KCNQ5: variants seen among roughly 807,000 people sequenced by gnomAD.
KCNQ5 encodes the protein potassium voltage-gated channel subfamily KQT member 5.
KCNQ5 carries 30 observed loss-of-function variants against 98.2 expected under a neutral mutation model. The ratio of observed to expected loss-of-function variants is 0.31; its 90% CI spans 0.23 to 0.41. KCNQ5 has a LOEUF of 0.41. KCNQ5 is among the 10% of genes least tolerant of loss of function. The pLI is 1.00. For synonymous variants in KCNQ5, 458 were observed against 449.4 expected (o/e 1.02, Z -0.24); for missense variants, 835 against 1,182.5 (o/e 0.71, Z 4.31).
At chr6:73,160,689 G>A (rs1335235834) in intron 10 of KCNQ5, among the ~76,000 whole-genome samples, 1 of 152,172 alleles carries the variant, frequency 6.6e-6, no homozygotes, top group Non-Finnish European at 1.5e-5. Context: ...ACACAGGATG[G>A]CGGATTAGCC....
intron 2 of KCNQ5, among the ~76,000 whole-genome samples, chr6:73,023,036 T>C (rs930244594): frequency 2.0e-5 from 3 of 152,148 alleles, no homozygotes; most frequent in African/African-American, 4.8e-5. Context: ...TTTGACTATG[T>C]CTTGAGGAAT....
intron 1 of KCNQ5, among the ~76,000 whole-genome samples, chr6:72,716,808 C>T (rs1769667350): frequency 1.3e-5 from 2 of 152,128 alleles, no homozygotes; most frequent in Non-Finnish European, 2.9e-5. Flanking sequence ...GAACAGATTG[C>T]AGGGATGTGT....
chr6:73,082,969 C>A (rs780083434), intron 5 of KCNQ5, among the ~76,000 whole-genome samples: 1 of 148,324 alleles, frequency 6.7e-6, no homozygotes, highest in African/African-American at 2.5e-5. Flanking sequence ...TAGCTCGCTG[C>A]AGCCTCAACC....
intron 1 of KCNQ5, among the ~76,000 whole-genome samples, chr6:72,854,781 T>TGTGC (rs1232652748): frequency 2.0e-5 from 3 of 146,396 alleles, no homozygotes; most frequent in Admixed American, 2.0e-4. Context: ...TGTGTGTGTG[T>TGTGC]GTGCGTGCGT....
chr6:73,024,329 G>A (rs1243568221), intron 2 of KCNQ5, among the ~76,000 whole-genome samples: 2 of 92,904 alleles, frequency 2.2e-5, no homozygotes, highest in East Asian at 3.2e-4. Context: ...ACCCACATAT[G>A]TGAACCTCCC....
At chr6:73,026,512 T>TTCTTTTATCA (rs1770897175) in intron 2 of KCNQ5, among the ~76,000 whole-genome samples, 1 of 152,194 alleles carries the variant, frequency 6.6e-6, no homozygotes, top group East Asian at 1.9e-4. Context: ...ACCTTCCATC[T>TTCTTTTATCA]CTTCCCAGCA....
chr6:72,818,200 G>A (rs970670872), intron 1 of KCNQ5, among the ~76,000 whole-genome samples: 1 of 152,134 alleles, frequency 6.6e-6, no homozygotes, highest in Non-Finnish European at 1.5e-5. Flanking sequence ...TGTATTAAAT[G>A]TGAAGAAAGG....
At chr6:72,860,969 G>A (rs1387068659) in intron 1 of KCNQ5, among the ~76,000 whole-genome samples, 1 of 152,030 alleles carries the variant, frequency 6.6e-6, no homozygotes, top group African/African-American at 2.4e-5. Flanking sequence ...CCATTTCATA[G>A]ACATTAGTAA....
intron 1 of KCNQ5, among the ~76,000 whole-genome samples, chr6:72,792,157 A>G (rs1774086581): frequency 6.6e-6 from 1 of 152,152 alleles, no homozygotes; most frequent in African/African-American, 2.4e-5. Flanking sequence ...ATTATGGAGA[A>G]AGTCATTGTC....
chr6:72,884,672 G>A (rs564860516), intron 1 of KCNQ5, among the ~76,000 whole-genome samples: 25 of 151,492 alleles, frequency 1.7e-4, no homozygotes, highest in Non-Finnish European at 2.5e-4. Flanking sequence ...GCTGGAGAGC[G>A]GTGAGACAAT....
In KCNQ5 at chr6:72,622,163, C is replaced by A. The variant is rs2098915474; in HGVS notation, c.-27C>A. 1.6e-6 allele frequency: 2 copies of A among 1,217,574 alleles called. No individual in the cohort carries two copies. Among genetic ancestry groups the A allele is most frequent in the South Asian group, 4.1e-5 (1 of 24,200 alleles). The allele number at this position is 1,217,574 out of a possible 1,614,324, so 75.4% of individuals were successfully genotyped here. On this transcript the variant is annotated 5_prime_UTR_variant, in exon 1 of 14. Transcript: ENST00000370398. This position sits in a 1 kb window ranked among gnomAD's most constrained non-coding sequence, Gnocchi z 6.0. Reference sequence around the variant, plus strand: ...CTGCCCCCGCCGCAGGCGCTGGCGGCCCCCTCGCGGTGCCCGTGGTGATGC... The same window carrying A: ...CTGCCCCCGCCGCAGGCGCTGGCGGACCCCTCGCGGTGCCCGTGGTGATGC...
At chr6:73,060,128 T>C (rs1323654023) in intron 3 of KCNQ5, among the ~76,000 whole-genome samples, 1 of 152,058 alleles carries the variant, frequency 6.6e-6, no homozygotes, top group Non-Finnish European at 1.5e-5. Context: ...AAGAAGTCGT[T>C]TGTTCTCCTT....
chr6:73,078,382 C>A (rs1773624318), intron 5 of KCNQ5, among the ~76,000 whole-genome samples: 1 of 152,012 alleles, frequency 6.6e-6, no homozygotes, highest in Admixed American at 6.5e-5. Flanking sequence ...TCAAAACTTT[C>A]CTCTCAAAAC....
intron 1 of KCNQ5, among the ~76,000 whole-genome samples, chr6:72,970,752 G>A (rs1001419265): frequency 3.5e-4 from 54 of 152,178 alleles, no homozygotes; most frequent in Admixed American, 2.4e-3. Flanking sequence ...ATGGGGAAAG[G>A]ATTCCCTATT....
chr6:72,710,389 TA>T (rs2154475002), intron 1 of KCNQ5, among the ~76,000 whole-genome samples: 1 of 152,266 alleles, frequency 6.6e-6, no homozygotes, highest in African/African-American at 2.4e-5. Context: ...ATGACTGGAT[TA>T]AAAAAATTTA....
At chr6:73,132,778 AC>A (rs1158472389) in intron 9 of KCNQ5, among the ~76,000 whole-genome samples, 19 of 152,212 alleles carry the variant, frequency 1.2e-4, no homozygotes, top group Non-Finnish European at 8.8e-5. Flanking sequence ...ATCAGTCATC[AC>A]ATTCATTATC....
At chr6:73,188,143 T>C (rs1031575381) in intron 11 of KCNQ5, among the ~76,000 whole-genome samples, 36 of 152,184 alleles carry the variant, frequency 2.4e-4, no homozygotes, top group African/African-American at 6.5e-4. Flanking sequence ...TTCTCCAGAA[T>C]TGATGCCATG....
intron 1 of KCNQ5, among the ~76,000 whole-genome samples, chr6:72,675,043 C>T (rs185527780): frequency 6.6e-6 from 1 of 152,284 alleles, no homozygotes. Flanking sequence ...TTTTTCATTA[C>T]GTAAGGCACT....
At chr6:72,711,150 A>G (rs1055078899) in intron 1 of KCNQ5, among the ~76,000 whole-genome samples, 2 of 152,120 alleles carry the variant, frequency 1.3e-5, no homozygotes, top group African/African-American at 4.8e-5. Flanking sequence ...GCCTTAATCC[A>G]ATAGGACTGG....
Sources: allele counts gnomAD v4.1 joint callset (sites outside exome capture counted in the v4.1 genomes callset), GRCh38; gene constraint gnomAD v4.1.1; non-coding constraint Gnocchi (gnomAD v3.1); transcripts MANE v1.5; gene names NCBI Gene and HGNC (gene_info 2026-07-23, HGNC 2026-07-21).